Variants in HDAC4 observed in about 807,000 individuals in gnomAD.
HDAC4 encodes histone deacetylase 4.
A neutral mutation model predicts 135.1 loss-of-function variants in HDAC4; 16 were observed. That is an observed-to-expected ratio of 0.12 (90% CI 0.08 to 0.18). The LOEUF is 0.18. Among genes scored for constraint, HDAC4 ranks in the 10% least tolerant of loss-of-function variants. HDAC4 has a pLI of 1.00. For synonymous variants in HDAC4, 685 were observed against 653.4 expected (o/e 1.05, Z -0.74); for missense variants, 1,143 against 1,511.8 (o/e 0.76, Z 4.05).
At chr2:239,243,824 C>T (rs1343187989) in intron 2 of HDAC4, among the ~76,000 whole-genome samples, 1 of 152,222 alleles carries the variant, frequency 6.6e-6, no homozygotes, top group African/African-American at 2.4e-5. Context: ...ACAACTAACA[C>T]CTTCCATCAG....
At chr2:239,220,946 C>T (rs1042433095) in intron 3 of HDAC4, among the ~76,000 whole-genome samples, 2 of 152,118 alleles carry the variant, frequency 1.3e-5, no homozygotes, top group African/African-American at 2.4e-5. Flanking sequence ...AGCCAGGGAC[C>T]GACCTTGGTA....
intron 18 of HDAC4, chr2:239,089,641 A>G (rs1042701223): frequency 1.6e-5 from 3 of 191,936 alleles, no homozygotes; most frequent in Non-Finnish European, 3.3e-5. Flanking sequence ...TTTTTAAATT[A>G]ATAAACATTT....
chr2:239,346,770 C>A (rs571539690), intron 2 of HDAC4, among the ~76,000 whole-genome samples: 2 of 141,546 alleles, frequency 1.4e-5, no homozygotes, highest in Non-Finnish European at 3.1e-5. Flanking sequence ...TCTAAACACA[C>A]ACCCTAACAC....
At chr2:239,249,883 G>A (rs1303950088) in intron 2 of HDAC4, among the ~76,000 whole-genome samples, 1 of 152,120 alleles carries the variant, frequency 6.6e-6, no homozygotes, top group African/African-American at 2.4e-5. Context: ...GTGAAGACTC[G>A]TTTAATGTGT....
Position 239,299,286 on chromosome 2 carries a change from T to C in HDAC4, c.22+53392A>G, listed in dbSNP as rs114065305. Among the ~76,000 whole-genome samples the C allele has an allele frequency of 7.8e-3, 1,195 of 152,346 alleles. 14 individuals are homozygous for C. Among genetic ancestry groups the C allele is most frequent in the African/African-American group, 0.027 (1,128 of 41,580 alleles). On this transcript the variant is annotated intron_variant, in intron 2 of 26. Transcript: ENST00000543185. This position sits in a 1 kb window ranked among gnomAD's most constrained non-coding sequence, Gnocchi z 4.0. ...CATCAGAGTGAAAATGCCTCATGAT[T>C]GGTCCATCCTGTACAATAGGTTTAT...
chr2:239,138,926 G>A (rs1452856698), intron 9 of HDAC4, among the ~76,000 whole-genome samples: 3 of 152,172 alleles, frequency 2.0e-5, no homozygotes, highest in Non-Finnish European at 2.9e-5. Flanking sequence ...CAGCCTGGGC[G>A]CCACTCCTCC....
chr2:239,173,795 G>C (rs995390760), intron 5 of HDAC4, among the ~76,000 whole-genome samples: 2 of 152,190 alleles, frequency 1.3e-5, no homozygotes, highest in African/African-American at 2.4e-5. Context: ...TAGGATATCT[G>C]AGTTTAACAG....
Position 239,053,056 on chromosome 2 carries a change from C to CAGAG in HDAC4, c.*37_*40dup. The CAGAG allele has an allele frequency of 6.2e-7, 1 of 1,612,166 alleles. No homozygotes were observed. Among genetic ancestry groups the CAGAG allele is most frequent in the African/African-American group, 1.3e-5 (1 of 75,024 alleles). On this transcript the variant is annotated 3_prime_UTR_variant, in exon 27 of 27. Coordinates refer to ENST00000543185, the MANE Select transcript of HDAC4 (RefSeq NM_001378414.1). ...AAAGTTTCTTGGCTGAGCTTCAAGA[C>CAGAG]AGAGACAGACAGACAAGAGAACAGC... is the stretch of plus-strand genomic sequence containing the variant.
chr2:239,209,891 G>A (rs144842756), intron 3 of HDAC4, among the ~76,000 whole-genome samples: 57 of 152,316 alleles, frequency 3.7e-4, no homozygotes, highest in Admixed American at 2.0e-3. Flanking sequence ...ATCAAACGCT[G>A]GACCATGTTA....
intron 9 of HDAC4, among the ~76,000 whole-genome samples, chr2:239,135,678 G>A (rs1193338207): frequency 1.3e-5 from 2 of 152,162 alleles, no homozygotes; most frequent in Admixed American, 1.3e-4. Context: ...AAGAAATAAG[G>A]AGATGGCCTG....
At chr2:239,246,097 C>A (rs1240142448) in intron 2 of HDAC4, among the ~76,000 whole-genome samples, 1 of 152,238 alleles carries the variant, frequency 6.6e-6, no homozygotes, top group African/African-American at 2.4e-5. Context: ...GCTGCTCTCA[C>A]GTGCCAGGCC....
chr2:239,072,245 G>C (rs1286388963), intron 22 of HDAC4, among the ~76,000 whole-genome samples: 1 of 152,188 alleles, frequency 6.6e-6, no homozygotes, highest in African/African-American at 2.4e-5. Context: ...TAACACGTTA[G>C]TGCGAATTTA....
chr2:239,116,245 C>T (rs2039123875), intron 12 of HDAC4, among the ~76,000 whole-genome samples: 1 of 152,236 alleles, frequency 6.6e-6, no homozygotes, highest in African/African-American at 2.4e-5. Context: ...TCTTTACCTC[C>T]AGACCTAATG....
At chr2:239,179,123 G>A (rs960067897) in intron 4 of HDAC4, among the ~76,000 whole-genome samples, 3 of 151,014 alleles carry the variant, frequency 2.0e-5, no homozygotes, top group Non-Finnish European at 1.5e-5. Context: ...GGCAGCCACC[G>A]GACGCCTGAG....
In HDAC4 at chr2:239,141,610, C is replaced by A. The variant is rs1346138639; in HGVS notation, c.866-1814G>T. ...CTTCTCCAGGCCCCTCCAACTCTCC[C>A]ATCTCTGCCCCACCTGCAGCCCACC... On this transcript the variant is annotated intron_variant, in intron 8 of 26. Coordinates refer to ENST00000543185, the MANE Select transcript of HDAC4 (RefSeq NM_001378414.1). This position sits in a 1 kb window ranked among gnomAD's most constrained non-coding sequence, Gnocchi z 4.9. 1.3e-5 allele frequency among the ~76,000 whole-genome samples: 2 copies of A among 152,178 alleles called. No individual in the cohort carries two copies. Among genetic ancestry groups the A allele is most frequent in the East Asian group, 3.9e-4 (2 of 5,190 alleles).
In HDAC4 at chr2:239,349,179, G is replaced by A. The variant is rs1319937932; in HGVS notation, c.22+3499C>T. 6.6e-6 allele frequency among the ~76,000 whole-genome samples: 1 copy of A among 152,202 alleles called. No homozygotes were observed. The highest frequency in any genetic ancestry group is 1.5e-5 in the Non-Finnish European group (1 of 68,032). On this transcript the variant is annotated intron_variant, in intron 2 of 26. Coordinates refer to ENST00000543185, the MANE Select transcript of HDAC4 (RefSeq NM_001378414.1). This position sits in a 1 kb window ranked among gnomAD's most constrained non-coding sequence, Gnocchi z 5.7. ...AGGCAAGGGTGAGCCAGGCAGGCAA[G>A]AGTGAGCCGGGTGGGCAGGGCGAAG...
chr2:239,298,621 G>A (rs182020738), intron 2 of HDAC4: 46 of 992,678 alleles, frequency 4.6e-5, no homozygotes, highest in Non-Finnish European at 5.4e-5. Flanking sequence ...GCAGTGATAG[G>A]AACAGCCTGC....
chr2:239,151,898 G>C (rs1288785449), intron 7 of HDAC4, among the ~76,000 whole-genome samples: 1 of 152,226 alleles, frequency 6.6e-6, no homozygotes, highest in Non-Finnish European at 1.5e-5. Context: ...GAGGATGCTG[G>C]ACAAGGAGTG....
In HDAC4 at chr2:239,060,806, C is replaced by T. The variant is rs181469060; in HGVS notation, c.3003+5916G>A. 3.1e-3 allele frequency among the ~76,000 whole-genome samples: 474 copies of T among 152,348 alleles called. 1 individual carries two copies. The highest frequency in any genetic ancestry group is 0.01 in the African/African-American group (435 of 41,588). ...TGTCACAAGCAAACCCGGAGCAGCC[C>T]GCACCTGCCCCGGCCCGGGCCCGTG... On this transcript the variant is annotated intron_variant, in intron 24 of 26. Coordinates refer to ENST00000543185, the MANE Select transcript of HDAC4 (RefSeq NM_001378414.1).
Sources: allele counts gnomAD v4.1 joint callset (sites outside exome capture counted in the v4.1 genomes callset), GRCh38; gene constraint gnomAD v4.1.1; non-coding constraint Gnocchi (gnomAD v3.1); transcripts MANE v1.5; gene names NCBI Gene and HGNC (gene_info 2026-07-23, HGNC 2026-07-21).